MS4A8: variants seen among roughly 807,000 people sequenced by gnomAD.
MS4A8 encodes the protein membrane-spanning 4-domains subfamily A member 8.
MS4A8 carries 27 observed loss-of-function variants against 23.7 expected under a neutral mutation model. That is an observed-to-expected ratio of 1.14 (90% CI 0.84 to 1.57). The LOEUF (loss-of-function observed/expected upper bound fraction) is 1.57, where lower values mean the gene tolerates loss of function less well. Ranked by LOEUF, MS4A8 falls within the 40% of genes most tolerant of loss-of-function variation. The probability of loss-of-function intolerance (pLI) is 0.00; values close to 1 mark genes in which losing one functional copy is unlikely to be tolerated. For synonymous variants in MS4A8, 138 were observed against 126.3 expected (o/e 1.09, Z -0.62); for missense variants, 301 against 311.4 (o/e 0.97, Z 0.25).
chr11:60,707,929 A>C (rs2088270734), intron 4 of MS4A8, among the ~76,000 whole-genome samples: 1 of 149,422 alleles, frequency 6.7e-6, no homozygotes, highest in Non-Finnish European at 1.5e-5. Flanking sequence ...TCCTGGGTTC[A>C]AGCAATTCTC....
chr11:60,707,121 C>A, intron 4 of MS4A8, 74 bp downstream of exon 4: 2 of 1,347,010 alleles, frequency 1.5e-6, no homozygotes, highest in Non-Finnish European at 2.1e-6. Flanking sequence ...AAAATAAGGT[C>A]ACATACGATT....
In MS4A8 at chr11:60,715,446, G is replaced by C; in HGVS notation, c.*32G>C. On this transcript the variant is annotated 3_prime_UTR_variant, in exon 7 of 7. Coordinates refer to ENST00000300226, the MANE Select transcript of MS4A8 (RefSeq NM_031457.2). ...AGATTCTGGAAGCATCTTTCACTGGGACCAAAAGAAGTCCTCCTCCCTTTC... is the reference window on the plus strand; with the variant it reads ...AGATTCTGGAAGCATCTTTCACTGGCACCAAAAGAAGTCCTCCTCCCTTTC... 1 of 1,572,096 alleles carries C rather than the reference G, an allele frequency of 6.4e-7. No individual in the cohort carries two copies. Among genetic ancestry groups the C allele is most frequent in the Non-Finnish European group, 8.7e-7 (1 of 1,144,822 alleles).
chr11:60,715,652 C>A lies in MS4A8; in HGVS notation c.*238C>A. ...GAGGGACTCCCTAGGGCACATGCATCAGCACATATGTGGGCATCCAGCCTC... is the reference window on the plus strand; with the variant it reads ...GAGGGACTCCCTAGGGCACATGCATAAGCACATATGTGGGCATCCAGCCTC... On this transcript the variant is annotated 3_prime_UTR_variant, in exon 7 of 7. Transcript: ENST00000300226. The A allele has an allele frequency of 1.9e-6, 1 of 514,368 alleles. No individual in the cohort carries two copies. The highest frequency in any genetic ancestry group is 3.5e-6 in the Non-Finnish European group (1 of 285,668). 31.9% of individuals were successfully genotyped at this position (514,368 alleles called of 1,614,324 possible).
intron 2 of MS4A8, among the ~76,000 whole-genome samples, chr11:60,701,727 T>C (rs1210455270): frequency 1.3e-5 from 2 of 152,198 alleles, no homozygotes; most frequent in Non-Finnish European, 2.9e-5. Flanking sequence ...AACTTCATCC[T>C]CCAGATATGC....
chr11:60,711,710 A>G lies in MS4A8; in HGVS notation c.534+2929A>G. The G allele has an allele frequency of 1.6e-5, 7 of 425,510 alleles. 1 individual carries two copies. The highest frequency in any genetic ancestry group is 1.2e-4 in the South Asian group (7 of 58,434). 26.4% of individuals were successfully genotyped at this position (425,510 alleles called of 1,614,324 possible). On this transcript the variant is annotated intron_variant, in intron 5 of 6. Transcript: ENST00000300226. ...AGAAGCAAATGCTGGTGGAGGAACT[A>G]AGGGAAAGGAAGATGGGAGAAGAGT...
In MS4A8 at chr11:60,700,957, G is replaced by T; in HGVS notation, c.97G>T (p.Val33Leu). ...TGTGACCCCAGGAATTATGTCTCAC[G>T]TGCCCCTGTATCCAAACAGCCAGCC... ...YPVTPGIMSHVPLYPNSQPQV... is the reference protein window; with the variant it reads ...YPVTPGIMSHLPLYPNSQPQV... The change falls in exon 2 of 7, where the codon GTG (valine) becomes TTG (leucine). Residue 33 changes from valine to leucine, a missense_variant. Val to Leu is a conservative substitution (Grantham distance 32). Transcript: ENST00000300226. The T allele has an allele frequency of 1.2e-6, 2 of 1,614,170 alleles. No individual in the cohort carries two copies. The highest frequency in any genetic ancestry group is 2.2e-5 in the South Asian group (2 of 91,076).
chr11:60,704,837 TACACACACACACATACAA>T lies in MS4A8; in HGVS notation c.342+1341_342+1358del, dbSNP rs1232035541. Among the ~76,000 whole-genome samples the T allele has an allele frequency of 4.5e-4, 27 of 59,682 alleles. No homozygotes were observed. In the South Asian group the frequency reaches 7.5e-3, roughly 17 times the overall value. 39.2% of individuals were successfully genotyped at this position (59,682 alleles called of 152,430 possible). On this transcript the variant is annotated intron_variant, in intron 3 of 6. Coordinates refer to ENST00000300226, the MANE Select transcript of MS4A8 (RefSeq NM_031457.2). ...CCACACACACACACACACACACACA[TACACACACACACATACAA>T]ACAAACACACATACACACACACACA... is the stretch of plus-strand genomic sequence containing the variant.
intron 2 of MS4A8, 134 bp downstream of exon 2, chr11:60,701,213 G>A: frequency 1.2e-6 from 1 of 824,428 alleles, no homozygotes; most frequent in Non-Finnish European, 2.0e-6. Flanking sequence ...GCCAAGCACA[G>A]GTCTATTAGA....
In MS4A8 at chr11:60,700,958, TG is replaced by T; in HGVS notation, c.99del (p.Leu35CysfsTer11). 1 of 1,614,190 alleles carries T rather than the reference TG, an allele frequency of 6.2e-7. No individual in the cohort carries two copies. The highest frequency in any genetic ancestry group is 8.5e-7 in the Non-Finnish European group (1 of 1,180,034). ...YPVTPGIMSH[V>X]PLYPNSQPQV... ...GTGACCCCAGGAATTATGTCTCACG[TG>T]CCCCTGTATCCAAACAGCCAGCCGC... On this transcript the variant is annotated frameshift_variant, in exon 2 of 7. Transcript: ENST00000300226. LOFTEE classifies it high-confidence loss of function.
intron 5 of MS4A8, chr11:60,712,506 A>C: frequency 4.1e-6 from 4 of 985,322 alleles, no homozygotes; most frequent in Non-Finnish European, 4.8e-6. Flanking sequence ...TAATTGAGAT[A>C]ATTGAGGCCG....
At chr11:60,714,954 C>T (rs1414552684) in intron 5 of MS4A8, 67 bp from the exon 6 acceptor site, 2 of 1,095,588 alleles carry the variant, frequency 1.8e-6, no homozygotes, top group East Asian at 4.7e-5. Flanking sequence ...ATGGCAGGGC[C>T]CCAGTGAGAG....
At chr11:60,706,948 G>A in intron 3 of MS4A8, 40 bp from the exon 4 acceptor site, 1 of 1,586,516 alleles carries the variant, frequency 6.3e-7, no homozygotes, top group Non-Finnish European at 8.7e-7. Flanking sequence ...GGGCACCCTA[G>A]CCCCTGACCT....
Position 60,707,028 on chromosome 11 carries a change from A to C in MS4A8, c.383A>C (p.Gln128Pro). ...SGSLSVAAEN[Q>P]PYSYCLLSGS... ...TCTCTCTCCGTGGCAGCAGAAAATCAGCCATATTCTTATTGCCTGGTAAGT... is the reference window on the plus strand; with the variant it reads ...TCTCTCTCCGTGGCAGCAGAAAATCCGCCATATTCTTATTGCCTGGTAAGT... Residue 128 changes from glutamine (Q) to proline (P), a missense_variant, in exon 4 of 7, where the codon CAG (glutamine) becomes CCG (proline). By Grantham distance (76) the Gln-to-Pro change is moderately conservative (BLOSUM62 -1). Coordinates refer to ENST00000300226, the MANE Select transcript of MS4A8 (RefSeq NM_031457.2). 2 of 1,614,096 alleles carry C rather than the reference A, an allele frequency of 1.2e-6. No individual in the cohort carries two copies. Among genetic ancestry groups the C allele is most frequent in the South Asian group, 2.2e-5 (2 of 91,076 alleles).
rs77568268 is a variant in MS4A8 at position 60,712,377 on chromosome 11, G to A, written c.535-2644G>A. On this transcript the variant is annotated intron_variant, in intron 5 of 6. Coordinates refer to ENST00000300226, the MANE Select transcript of MS4A8 (RefSeq NM_031457.2). Reference sequence around the variant, plus strand: ...TCTTAGCCGCTTCTACCAAGCAGATGTTTAATAACCACTTGCTAAATGGAG... The same window carrying A: ...TCTTAGCCGCTTCTACCAAGCAGATATTTAATAACCACTTGCTAAATGGAG... 10,073 of 985,284 alleles carry A rather than the reference G, an allele frequency of 0.01. 697 individuals carry two copies. The African/African-American group carries it at 0.16, about 15-fold the overall frequency. 61.0% of individuals were successfully genotyped at this position (985,284 alleles called of 1,614,324 possible). A position where few individuals can be genotyped will look rare whatever the true frequency, so the allele number is the denominator to read the frequency against.
chr11:60,714,316 A>C (rs967523485), intron 5 of MS4A8, among the ~76,000 whole-genome samples: 18 of 152,148 alleles, frequency 1.2e-4, no homozygotes, highest in African/African-American at 4.1e-4. Context: ...CTGACTTGAC[A>C]CAGCACATGT....
At chr11:60,713,200 GC>G (rs35065823) in intron 5 of MS4A8, among the ~76,000 whole-genome samples, 29,702 of 152,062 alleles carry the variant, frequency 0.2, 3,529 homozygotes, top group Admixed American at 0.29. Context: ...GGGGTGGGTT[GC>G]CCCTTCACAC....
At chr11:60,703,558 G>T in intron 3 of MS4A8, 58 bp downstream of exon 3, 1 of 1,585,662 alleles carries the variant, frequency 6.3e-7, no homozygotes, top group African/African-American at 1.4e-5. Context: ...GGCACTCAAG[G>T]CCACCTTGCC....
chr11:60,705,591 C>A (rs576758427), intron 3 of MS4A8, among the ~76,000 whole-genome samples: 1 of 152,254 alleles, frequency 6.6e-6, no homozygotes, highest in African/African-American at 2.4e-5. Context: ...AAGTCCAGCC[C>A]TTCCTCCCCA....
chr11:60,704,117 T>C (rs1156334696), intron 3 of MS4A8, among the ~76,000 whole-genome samples: 2 of 114,906 alleles, frequency 1.7e-5, no homozygotes, highest in East Asian at 2.1e-4. Context: ...TTCTTTTTAC[T>C]TTTTTTTTTT....
Sources: gnomAD v4.1 joint callset for allele counts (sites outside exome capture counted in the v4.1 genomes callset) on GRCh38, gnomAD v4.1.1 for gene constraint, MANE v1.5 for transcripts, NCBI Gene and HGNC (gene_info 2026-07-23, HGNC 2026-07-21) for gene names.